The following CADM1 variants were observed in gnomAD, a reference collection of about 807,000 sequenced individuals.
CADM1 encodes the protein TSLC-1.
In CADM1, 15 loss-of-function variants were observed where a neutral mutation model predicts 53.1. The observed-to-expected ratio is 0.28, with a 90% CI of 0.19 to 0.44. The LOEUF (loss-of-function observed/expected upper bound fraction) is 0.44, where lower values mean the gene tolerates loss of function less well. Among genes scored for constraint, CADM1 ranks in the 20% least tolerant of loss-of-function variants. The probability of loss-of-function intolerance (pLI) is 1.00; values close to 1 mark genes in which losing one functional copy is unlikely to be tolerated. For synonymous variants in CADM1, 281 were observed against 243.0 expected, an observed-to-expected ratio of 1.16 and a Z score of -1.45; for missense variants, 434 against 611.3, an observed-to-expected ratio of 0.71 and a Z score of 3.06.
At chr11:115,313,698 C>A (rs751675131) in intron 1 of CADM1, among the ~76,000 whole-genome samples, 5 of 152,140 alleles carry the variant, frequency 3.3e-5, no homozygotes, top group Non-Finnish European at 7.3e-5. Flanking sequence ...GTCAGCCAGG[C>A]GACTAAGTTC....
chr11:115,174,383 C>T lies in CADM1; in HGVS notation c.*2091G>A, dbSNP rs778473450. 55 of 985,218 alleles carry T rather than the reference C, an allele frequency of 5.6e-5. No homozygotes were observed. Among genetic ancestry groups the T allele is most frequent in the African/African-American group, 2.6e-4 (15 of 57,128 alleles). 61.0% of individuals were successfully genotyped at this position (985,218 alleles called of 1,614,324 possible). The stretch of plus-strand genomic sequence containing the variant: ...CCCTTTGATATGATTATACTATGGT[C>T]GGAATGGGTGCTAAGGGCTCGGAAT... On this transcript the variant is annotated 3_prime_UTR_variant, in exon 12 of 12. Transcript: ENST00000331581.
chr11:115,437,898 T>C (rs1350009222), intron 1 of CADM1, among the ~76,000 whole-genome samples: 1 of 152,252 alleles, frequency 6.6e-6, no homozygotes, highest in Non-Finnish European at 1.5e-5. Context: ...AAGAGGTACA[T>C]ATGTAATAGA....
At chr11:115,342,346 C>T (rs1007542046) in intron 1 of CADM1, among the ~76,000 whole-genome samples, 1 of 152,082 alleles carries the variant, frequency 6.6e-6, no homozygotes, top group East Asian at 1.9e-4. Flanking sequence ...AAGTAATACA[C>T]GATGTAGTAT....
intron 1 of CADM1, among the ~76,000 whole-genome samples, chr11:115,386,994 G>A (rs1018851792): frequency 6.6e-6 from 1 of 152,202 alleles, no homozygotes; most frequent in African/African-American, 2.4e-5. Context: ...AGTAGCAACA[G>A]TGTATGGAAG....
intron 1 of CADM1, among the ~76,000 whole-genome samples, chr11:115,378,335 A>C (rs911378408): frequency 1.3e-5 from 2 of 151,998 alleles, no homozygotes; most frequent in African/African-American, 4.8e-5. Flanking sequence ...AGCAACTACC[A>C]ACTGATATCA....
intron 1 of CADM1, among the ~76,000 whole-genome samples, chr11:115,295,327 T>C (rs1668737076): frequency 6.6e-6 from 1 of 151,228 alleles, no homozygotes; most frequent in Admixed American, 6.6e-5. Context: ...CACTCCCTCA[T>C]TTGTGATCAC....
At chr11:115,419,328 C>T (rs906995237) in intron 1 of CADM1, among the ~76,000 whole-genome samples, 1 of 152,192 alleles carries the variant, frequency 6.6e-6, no homozygotes, top group Non-Finnish European at 1.5e-5. Context: ...ATCCATCATA[C>T]TCTGAAGTAC....
At chr11:115,488,079 A>G (rs1208305734) in intron 1 of CADM1, among the ~76,000 whole-genome samples, 2 of 152,152 alleles carry the variant, frequency 1.3e-5, no homozygotes, top group Non-Finnish European at 2.9e-5. Context: ...GGCACTTGGT[A>G]GAAATCAAGG....
chr11:115,308,211 T>TATATATATATATACAC (rs139012671), intron 1 of CADM1, among the ~76,000 whole-genome samples: 2,937 of 139,288 alleles, frequency 0.021, 63 homozygotes, highest in South Asian at 0.055. Context: ...TATATATATA[T>TATATATATATATACAC]ACACACCTAT....
At chr11:115,198,962 G>A (rs1591597140) in intron 8 of CADM1, among the ~76,000 whole-genome samples, 1 of 152,186 alleles carries the variant, frequency 6.6e-6, no homozygotes, top group East Asian at 1.9e-4. Flanking sequence ...TACTGCTTAT[G>A]CTCAGATGCC....
chr11:115,376,458 T>A (rs1946440388), intron 1 of CADM1, among the ~76,000 whole-genome samples: 1 of 151,996 alleles, frequency 6.6e-6, no homozygotes, highest in Admixed American at 6.6e-5. Flanking sequence ...AATGAAAATT[T>A]CAAATACAGG....
intron 3 of CADM1, among the ~76,000 whole-genome samples, chr11:115,237,602 G>A (rs535939413): frequency 3.3e-5 from 5 of 152,122 alleles, no homozygotes; most frequent in East Asian, 1.9e-4. Context: ...GCAGTCTGCC[G>A]CCTCAAATAG....
At chr11:115,274,569 T>C (rs574508088) in intron 1 of CADM1, among the ~76,000 whole-genome samples, 2 of 152,348 alleles carry the variant, frequency 1.3e-5, no homozygotes, top group South Asian at 4.1e-4. Context: ...TCCTGGCCTT[T>C]GCAGCACGGT....
intron 1 of CADM1, among the ~76,000 whole-genome samples, chr11:115,323,273 A>C (rs1348615906): frequency 6.6e-6 from 1 of 152,172 alleles, no homozygotes; most frequent in Non-Finnish European, 1.5e-5. Flanking sequence ...CTTTTAGTCA[A>C]CTATTCGGTA....
At chr11:115,429,725 G>A (rs1384454000) in intron 1 of CADM1, among the ~76,000 whole-genome samples, 1 of 146,484 alleles carries the variant, frequency 6.8e-6, no homozygotes, top group Non-Finnish European at 1.5e-5. Context: ...GCTCTGCTGA[G>A]CTCTACTGAG....
Position 115,463,751 on chromosome 11 carries a change from G to C in CADM1, c.124+40520C>G, listed in dbSNP as rs536763543. Among the ~76,000 whole-genome samples, 13 of 151,784 alleles carry C rather than the reference G, an allele frequency of 8.6e-5. 1 individual carries two copies. Among genetic ancestry groups the C allele is most frequent in the African/African-American group, 3.1e-4 (13 of 41,428 alleles). On this transcript the variant is annotated intron_variant, in intron 1 of 11. Coordinates refer to ENST00000331581, the MANE Select transcript of CADM1 (RefSeq NM_001301043.2). ...GCTTGCTTTAGTGAAGTACAGCTAA[G>C]TGTTTTAACGCTCCCAACCTGCAAA...
chr11:115,442,199 C>T (rs1312498507), intron 1 of CADM1, among the ~76,000 whole-genome samples: 2 of 151,488 alleles, frequency 1.3e-5, no homozygotes, highest in Non-Finnish European at 2.9e-5. Flanking sequence ...CCCTGGGAAG[C>T]AAGGCAAGGG....
At chr11:115,446,637 T>C (rs1383766479) in intron 1 of CADM1, among the ~76,000 whole-genome samples, 1 of 152,104 alleles carries the variant, frequency 6.6e-6, no homozygotes, top group African/African-American at 2.4e-5. Context: ...ATAGTGTAAA[T>C]CAGTATGAAA....
intron 1 of CADM1, among the ~76,000 whole-genome samples, chr11:115,259,290 C>CTTTTTTTTTTTTTTTTTT (rs71066411): frequency 1.8e-5 from 1 of 55,056 alleles, no homozygotes; most frequent in Non-Finnish European, 3.2e-5. Context: ...CCAGTCTTAA[C>CTTTTTTTTTTTTTTTTTT]TTTTTTTTTT....
Sources: gnomAD v4.1 joint callset for allele counts (sites outside exome capture counted in the v4.1 genomes callset) on GRCh38, gnomAD v4.1.1 for gene constraint, MANE v1.5 for transcripts, NCBI Gene and HGNC (gene_info 2026-07-23, HGNC 2026-07-21) for gene names.